CDH18: variants seen among roughly 807,000 people sequenced by gnomAD.
CDH18 encodes the protein cadherin-18.
In CDH18, 31 loss-of-function variants were observed where a neutral mutation model predicts 67.9. The observed-to-expected ratio is 0.46, with a 90% CI of 0.34 to 0.62. CDH18 has a LOEUF of 0.62. Among genes scored for constraint, CDH18 ranks in the 20% least tolerant of loss-of-function variants. The pLI, the probability that CDH18 is intolerant of heterozygous loss-of-function variation, is 0.01. For synonymous variants in CDH18, 362 were observed against 347.2 expected (o/e 1.04, Z -0.48); for missense variants, 890 against 975.5 (o/e 0.91, Z 1.17).
intron 1 of CDH18, among the ~76,000 whole-genome samples, chr5:20,562,659 G>A (rs1252584489): frequency 1.3e-5 from 2 of 151,214 alleles, no homozygotes; most frequent in East Asian, 1.9e-4. Context: ...GGTAGTATTT[G>A]ACCAGCCAAG....
At chr5:20,162,944 AGCTACTTGGTAG>A (rs1281101360) in intron 2 of CDH18, among the ~76,000 whole-genome samples, 1 of 151,960 alleles carries the variant, frequency 6.6e-6, no homozygotes, top group Non-Finnish European at 1.5e-5. Context: ...CTGTGATCCC[AGCTACTTGGTAG>A]GCTGGGGCCG....
intron 2 of CDH18, among the ~76,000 whole-genome samples, chr5:20,006,575 T>C (rs1736919980): frequency 6.6e-6 from 1 of 151,972 alleles, no homozygotes; most frequent in African/African-American, 2.4e-5. Flanking sequence ...AATATGAACT[T>C]GCTTTTGATT....
rs113689039 is a variant in CDH18, at chr5:20,316,525, A to G, written c.-579-61020T>C. ...CTTAGTGAAAACACAGTTGTAATTG[A>G]GGCAGTGCTATTCGGAATAGAAAGC... On this transcript the variant is annotated intron_variant, in intron 1 of 14. Coordinates refer to the CDH18 transcript ENST00000507958. 6.1e-3 allele frequency among the ~76,000 whole-genome samples: 926 copies of G among 152,212 alleles called. 9 individuals carry two copies. The highest frequency in any genetic ancestry group is 0.021 in the African/African-American group (885 of 41,556).
At chr5:20,226,980 T>C (rs1408343343) in intron 2 of CDH18, among the ~76,000 whole-genome samples, 1 of 152,104 alleles carries the variant, frequency 6.6e-6, no homozygotes, top group Non-Finnish European at 1.5e-5. Flanking sequence ...ATTGTGAATG[T>C]GCTTTTACTC....
intron 1 of CDH18, among the ~76,000 whole-genome samples, chr5:20,424,391 TAC>T (rs766040276): frequency 8.7e-5 from 13 of 148,882 alleles, no homozygotes; most frequent in Non-Finnish European, 1.9e-4. Context: ...GTTTCAGAGC[TAC>T]AGAGTTTCAG....
intron 1 of CDH18, among the ~76,000 whole-genome samples, chr5:20,404,028 C>A (rs764424635): frequency 6.6e-6 from 1 of 152,202 alleles, no homozygotes; most frequent in Non-Finnish European, 1.5e-5. Flanking sequence ...CTTCACTTTG[C>A]GTATCTCCAT....
chr5:20,557,278 G>C (rs1651455), intron 1 of CDH18, among the ~76,000 whole-genome samples: 105,031 of 151,712 alleles, frequency 0.69, 36,720 homozygotes, highest in East Asian at 0.98. Flanking sequence ...ACCAATAATT[G>C]CGTGGAGAGA....
chr5:20,553,628 T>TA (rs2126628293), intron 1 of CDH18, among the ~76,000 whole-genome samples: 1 of 152,318 alleles, frequency 6.6e-6, no homozygotes, highest in African/African-American at 2.4e-5. Context: ...AACAGCAGGC[T>TA]ACTCATTGCA....
chr5:19,657,209 A>G (rs1756526531), intron 5 of CDH18, among the ~76,000 whole-genome samples: 1 of 152,158 alleles, frequency 6.6e-6, no homozygotes, highest in South Asian at 2.1e-4. Flanking sequence ...TTGTGTATAC[A>G]TATAAGATTT....
intron 5 of CDH18, among the ~76,000 whole-genome samples, chr5:19,659,499 C>T (rs1021966624): frequency 3.3e-5 from 5 of 152,058 alleles, no homozygotes; most frequent in African/African-American, 1.2e-4. Context: ...AATTTTTAAA[C>T]ACTGTTGAAA....
At chr5:20,148,390 C>A (rs1580348907) in intron 2 of CDH18, among the ~76,000 whole-genome samples, 1 of 152,062 alleles carries the variant, frequency 6.6e-6, no homozygotes, top group Admixed American at 6.6e-5. Context: ...AGCCACCGTG[C>A]CTGGCCTAGT....
chr5:19,561,473 A>C (rs900048447), intron 8 of CDH18, among the ~76,000 whole-genome samples: 5 of 152,158 alleles, frequency 3.3e-5, no homozygotes, highest in African/African-American at 1.2e-4. Context: ...ATGCAAAGGC[A>C]CAAGAATGAT....
At chr5:20,458,714 T>C (rs996024586) in intron 1 of CDH18, among the ~76,000 whole-genome samples, 1 of 152,224 alleles carries the variant, frequency 6.6e-6, no homozygotes, top group African/African-American at 2.4e-5. Flanking sequence ...TTTTGATTTG[T>C]ATAAGAAATT....
rs144918929 is a variant in CDH18, at chr5:20,238,761, C to G, written c.-518+16683G>C. On this transcript the variant is annotated intron_variant, in intron 2 of 14. Transcript: ENST00000507958. ...TTAGAGTTGCTCTATTAGACATAGG[C>G]AAACACTGTAGACAATCCAAATGTC... Among the ~76,000 whole-genome samples, 218 of 152,190 alleles carry G rather than the reference C, an allele frequency of 1.4e-3. 1 individual carries two copies. The highest frequency in any genetic ancestry group is 5.0e-3 in the African/African-American group (209 of 41,530).
chr5:20,424,648 C>T (rs9292938), intron 1 of CDH18, among the ~76,000 whole-genome samples: 33,465 of 141,612 alleles, frequency 0.24, 4,345 homozygotes, highest in East Asian at 0.32. Context: ...ATCCAGGAGG[C>T]TGAAGCAAGA....
rs78232860 is a variant in CDH18, at chr5:20,520,124, G to A, written c.-580+55338C>T. On this transcript the variant is annotated intron_variant, in intron 1 of 14. Coordinates refer to the CDH18 transcript ENST00000507958. ...AGCAGATGTCCTTTTGAAAAGAGGG[G>A]ATGACAGGGCATTAGGGTGTCTAAG... Among the ~76,000 whole-genome samples, 383 of 151,638 alleles carry A rather than the reference G, an allele frequency of 2.5e-3. 1 individual carries two copies. The highest frequency in any genetic ancestry group is 9.0e-3 in the African/African-American group (373 of 41,344).
intron 10 of CDH18, among the ~76,000 whole-genome samples, chr5:19,505,055 T>A (rs1398922920): frequency 1.3e-5 from 2 of 152,156 alleles, no homozygotes; most frequent in East Asian, 3.8e-4. Context: ...TTGTAAGGCA[T>A]CTTTTTCACT....
At chr5:20,515,807 C>T (rs1328047741) in intron 1 of CDH18, among the ~76,000 whole-genome samples, 2 of 152,028 alleles carry the variant, frequency 1.3e-5, no homozygotes, top group Non-Finnish European at 2.9e-5. Context: ...AGTTTTATAG[C>T]TTCCTTCAGT....
chr5:20,382,606 A>G (rs1317621361), intron 1 of CDH18, among the ~76,000 whole-genome samples: 2 of 152,242 alleles, frequency 1.3e-5, no homozygotes, highest in African/African-American at 2.4e-5. Flanking sequence ...GAAAATAAAC[A>G]TCTCTCACAT....
Sources: gnomAD v4.1 joint callset for allele counts (sites outside exome capture counted in the v4.1 genomes callset) on GRCh38, gnomAD v4.1.1 for gene constraint, MANE v1.5 for transcripts, NCBI Gene and HGNC (gene_info 2026-07-23, HGNC 2026-07-21) for gene names.